The following FANCC variants were observed in gnomAD, a reference collection of about 807,000 sequenced individuals.
The protein encoded by FANCC is FA complementation group C.
Under a neutral mutation model 71.3 loss-of-function variants are expected in FANCC, and 55 were observed. The observed-to-expected ratio is 0.77, with a 90% confidence interval of 0.62 to 0.97. The LOEUF (loss-of-function observed/expected upper bound fraction) is 0.97, where lower values mean the gene tolerates loss of function less well. Among genes scored for constraint, FANCC ranks in the 50% least tolerant of loss-of-function variants. The probability of loss-of-function intolerance (pLI) is 0.00; values close to 1 mark genes in which losing one functional copy is unlikely to be tolerated. For missense variants in FANCC, 678 were observed against 670.9 expected (o/e 1.01, Z -0.12); for synonymous variants, 275 against 244.9 (o/e 1.12, Z -1.15).
At chr9:95,151,337 A>G (rs912979022) in intron 6 of FANCC, among the ~76,000 whole-genome samples, 1 of 152,030 alleles carries the variant, frequency 6.6e-6, no homozygotes, top group Non-Finnish European at 1.5e-5. Flanking sequence ...GTGAATGATA[A>G]ATAAAATGAA....
At chr9:95,276,806 G>C (rs1364040626) in intron 1 of FANCC, among the ~76,000 whole-genome samples, 1 of 152,168 alleles carries the variant, frequency 6.6e-6, no homozygotes, top group Non-Finnish European at 1.5e-5. Context: ...TTGTACAGTA[G>C]GTTGACTACA....
intron 8 of FANCC, among the ~76,000 whole-genome samples, chr9:95,133,648 G>T (rs1827229465): frequency 6.6e-6 from 1 of 152,090 alleles, no homozygotes; most frequent in South Asian, 2.1e-4. Flanking sequence ...AGGAAAGGCT[G>T]GAAAAAAGGC....
chr9:95,243,167 G>A (rs905425644), intron 3 of FANCC, among the ~76,000 whole-genome samples: 10 of 152,170 alleles, frequency 6.6e-5, no homozygotes, highest in African/African-American at 2.4e-4. Flanking sequence ...TGCTAAGTTT[G>A]GCAGAAATTT....
At chr9:95,145,803 C>T (rs936467028) in intron 7 of FANCC, among the ~76,000 whole-genome samples, 5 of 152,134 alleles carry the variant, frequency 3.3e-5, no homozygotes, top group Admixed American at 6.5e-5. Context: ...GGCACGCACC[C>T]TTTATCACAC....
At chr9:95,104,746 C>T (rs955643130) in intron 14 of FANCC, among the ~76,000 whole-genome samples, 5 of 152,138 alleles carry the variant, frequency 3.3e-5, no homozygotes, top group African/African-American at 2.4e-5. Context: ...CAAACTCCCA[C>T]GCTGACCCCT....
chr9:95,127,870 T>TA (rs1441943629), intron 8 of FANCC, among the ~76,000 whole-genome samples: 3 of 152,372 alleles, frequency 2.0e-5, no homozygotes, highest in East Asian at 3.9e-4. Flanking sequence ...GCAGGAGCTC[T>TA]GCCACTTTTT....
At chr9:95,178,148 C>T (rs1047870596) in intron 4 of FANCC, among the ~76,000 whole-genome samples, 1 of 152,016 alleles carries the variant, frequency 6.6e-6, no homozygotes, top group African/African-American at 2.4e-5. Flanking sequence ...AGATTGGACA[C>T]CCCTGCTCTA....
intron 13 of FANCC, chr9:95,110,943 AG>A: frequency 7.4e-7 from 1 of 1,342,990 alleles, no homozygotes; most frequent in South Asian, 2.0e-5. Flanking sequence ...TCAGAAGCAA[AG>A]TGGTTAATAT....
chr9:95,206,170 A>C (rs539354525), intron 4 of FANCC, among the ~76,000 whole-genome samples: 13 of 152,342 alleles, frequency 8.5e-5, no homozygotes, highest in South Asian at 2.1e-4. Flanking sequence ...TTAGAGGAGG[A>C]GGCGGGAGAA....
rs541969995 is a variant in FANCC at position 95,262,572 on chromosome 9, G to GA, written c.-78-13204dup. On this transcript the variant is annotated intron_variant, in intron 1 of 14. Coordinates refer to ENST00000289081, the MANE Select transcript of FANCC (RefSeq NM_000136.3). ...TACGAAAAACAGTATGGTGGTTCCT[G>GA]AAAAAACTAAACATAGAATTACCAT... Among the ~76,000 whole-genome samples, 5 of 152,236 alleles carry GA rather than the reference G, an allele frequency of 3.3e-5. No homozygotes were observed. The South Asian group carries it at 8.3e-4, about 25-fold the overall frequency.
At position 95,152,873 on chromosome 9, in the gene FANCC, G is replaced by C. The variant is rs1054481372; in HGVS notation, c.522-2786C>G. On this transcript the variant is annotated intron_variant, in intron 6 of 14. Transcript: ENST00000289081. ...CAATCTTTTTGGCTTCCTTCTTTTT[G>C]GAAAAAGAAGAATCGTCTTGGGTTA... Among the ~76,000 whole-genome samples, 4 of 149,278 alleles carry C rather than the reference G, an allele frequency of 2.7e-5. No homozygotes were observed. The South Asian group carries it at 6.3e-4, about 24-fold the overall frequency.
At chr9:95,294,705 G>C in intron 1 of FANCC, 2 of 1,599,750 alleles carry the variant, frequency 1.3e-6, no homozygotes, top group Non-Finnish European at 1.7e-6. Flanking sequence ...AAACAACAAT[G>C]GACGACTTTC....
chr9:95,239,924 A>C (rs1830535932), intron 4 of FANCC, among the ~76,000 whole-genome samples: 1 of 152,234 alleles, frequency 6.6e-6, no homozygotes. Context: ...GTGGAGTCTG[A>C]CAGGCATCAG....
chr9:95,132,294 T>C lies in FANCC; in HGVS notation c.843+3052A>G, dbSNP rs1231379216. The stretch of plus-strand genomic sequence containing the variant: ...TCCAATGTGGAATCCAAAGAATAGC[T>C]TTCTGGGCTCCACAAACAAAATTGT... On this transcript the variant is annotated intron_variant, in intron 8 of 14. Transcript: ENST00000289081. 2.0e-5 allele frequency among the ~76,000 whole-genome samples: 3 copies of C among 152,238 alleles called. No homozygotes were observed. In the East Asian group the frequency reaches 5.8e-4, roughly 29 times the overall value.
At chr9:95,152,513 G>A (rs1370011042) in intron 6 of FANCC, among the ~76,000 whole-genome samples, 3 of 152,190 alleles carry the variant, frequency 2.0e-5, no homozygotes, top group Non-Finnish European at 4.4e-5. Context: ...CCAGTGAACC[G>A]GGGAGGATGG....
chr9:95,216,624 T>C (rs1828880088), intron 4 of FANCC, among the ~76,000 whole-genome samples: 2 of 152,326 alleles, frequency 1.3e-5, no homozygotes, highest in South Asian at 4.1e-4. Flanking sequence ...ACAATAAGAA[T>C]AATGTCTTCC....
intron 1 of FANCC, among the ~76,000 whole-genome samples, chr9:95,285,567 A>AT (rs1833641687): frequency 6.6e-6 from 1 of 152,194 alleles, no homozygotes; most frequent in Non-Finnish European, 1.5e-5. Context: ...AAAATCAGTG[A>AT]TTAAAAAATA....
At chr9:95,240,346 A>T (rs1830564514) in intron 4 of FANCC, among the ~76,000 whole-genome samples, 1 of 152,226 alleles carries the variant, frequency 6.6e-6, no homozygotes, top group African/African-American at 2.4e-5. Context: ...TTTGAAGGAT[A>T]GCAATTGCTA....
At chr9:95,203,394 A>AAAC (rs35089595) in intron 4 of FANCC, among the ~76,000 whole-genome samples, 2 of 151,588 alleles carry the variant, frequency 1.3e-5, no homozygotes, top group Non-Finnish European at 2.9e-5. Context: ...AAAAAAAAAA[A>AAAC]AACACCTGAA....
Sources: gnomAD v4.1 joint callset for allele counts (sites outside exome capture counted in the v4.1 genomes callset) on GRCh38, gnomAD v4.1.1 for gene constraint, MANE v1.5 for transcripts, NCBI Gene and HGNC (gene_info 2026-07-23, HGNC 2026-07-21) for gene names.